TAFA3: variants seen among roughly 807,000 people sequenced by gnomAD.
TAFA3 encodes the protein chemokine-like protein TAFA-3.
In TAFA3, 17 loss-of-function variants were observed where a neutral mutation model predicts 20.7. The ratio of observed to expected loss-of-function variants is 0.82; its 90% confidence interval spans 0.56 to 1.23. The LOEUF is 1.23. TAFA3 is among the 50% of genes most tolerant of loss of function. TAFA3 has a pLI of 0.00. For synonymous variants in TAFA3, 74 were observed against 71.8 expected (o/e 1.03, Z -0.16); for missense variants, 174 against 172.8 (o/e 1.01, Z -0.04).
chr1:112,725,403 A>AAAAC (rs111414467), intron 5 of TAFA3, among the ~76,000 whole-genome samples: 93 of 140,624 alleles, frequency 6.6e-4, no homozygotes, highest in East Asian at 1.4e-3. Context: ...ATTAAAAAAA[A>AAAAC]AAAAAAAAAA....
chr1:112,723,986 G>A (rs769436376), intron 4 of TAFA3, 27 bp from the exon 5 acceptor site: 9 of 1,613,544 alleles, frequency 5.6e-6, no homozygotes, highest in African/African-American at 1.3e-5. Flanking sequence ...AGACCCTAGA[G>A]CTGCACTCCG....
intron 2 of TAFA3, among the ~76,000 whole-genome samples, chr1:112,721,143 G>A (rs1020488554): frequency 3.9e-5 from 6 of 152,100 alleles, no homozygotes; most frequent in East Asian, 3.9e-4. Context: ...CTGCATTCCC[G>A]TGGTTGGCAG....
At chr1:112,720,037 G>T (rs540353938) in intron 1 of TAFA3, among the ~76,000 whole-genome samples, 2 of 152,180 alleles carry the variant, frequency 1.3e-5, no homozygotes, top group Admixed American at 6.5e-5. Flanking sequence ...GCCTTCAAAG[G>T]CTCAGGGACC....
At chr1:112,726,158 A>G (rs968721978) in intron 5 of TAFA3, among the ~76,000 whole-genome samples, 1 of 152,148 alleles carries the variant, frequency 6.6e-6, no homozygotes, top group Non-Finnish European at 1.5e-5. Context: ...AAAAGAAAAA[A>G]AAATAGAGAA....
intron 3 of TAFA3, among the ~76,000 whole-genome samples, 166 bp downstream of exon 3, chr1:112,722,514 C>G (rs1439445460): frequency 6.6e-6 from 1 of 152,112 alleles, no homozygotes; most frequent in Admixed American, 6.5e-5. Flanking sequence ...GAATCTCTGC[C>G]CACCCCAGCT....
At chr1:112,722,090 T>C in intron 2 of TAFA3, 143 bp from the exon 3 acceptor site, 2 of 772,292 alleles carry the variant, frequency 2.6e-6, no homozygotes, top group Non-Finnish European at 2.2e-6. Flanking sequence ...CATGACTCTG[T>C]GCCAGGTCGA....
At chr1:112,722,107 C>A in intron 2 of TAFA3, 126 bp from the exon 3 acceptor site, 5 of 925,642 alleles carry the variant, frequency 5.4e-6, no homozygotes, top group Admixed American at 1.9e-5. Context: ...TCGAAAGATG[C>A]CTGGGGACAA....
rs889289338 is a variant in TAFA3 at position 112,719,079 on chromosome 1, G to A, written c.-280G>A. Reference sequence around the variant, plus strand: ...GGGGCCGGGCCCAGAGCTCCCCTGTGCCCAGAGCCCGGCCCGCCCTGCGGA... The same window carrying A: ...GGGGCCGGGCCCAGAGCTCCCCTGTACCCAGAGCCCGGCCCGCCCTGCGGA... On this transcript the variant is annotated 5_prime_UTR_variant, in exon 1 of 6. Coordinates refer to ENST00000361886, the MANE Select transcript of TAFA3 (RefSeq NM_182759.3). Among the ~76,000 whole-genome samples, 2 of 152,160 alleles carry A rather than the reference G, an allele frequency of 1.3e-5. No individual in the cohort carries two copies. Among genetic ancestry groups the A allele is most frequent in the South Asian group, 2.1e-4 (1 of 4,828 alleles).
At chr1:112,722,156 G>C (rs1675342506) in intron 2 of TAFA3, 77 bp from the exon 3 acceptor site, 7 of 1,464,950 alleles carry the variant, frequency 4.8e-6, no homozygotes, top group Non-Finnish European at 5.7e-6. Context: ...CCCAGAGTGT[G>C]TGGCACAGAG....
rs2101500015 is a variant in TAFA3 at position 112,724,013 on chromosome 1, C to A, written c.266C>A (p.Ala89Asp). 6.2e-7 allele frequency: 1 copy of A among 1,613,962 alleles called. No homozygotes were observed. Among genetic ancestry groups the A allele is most frequent in the Non-Finnish European group, 8.5e-7 (1 of 1,179,958 alleles). Reference sequence around the variant, plus strand: ...TGCACTCCGCCTCCTGCTCCCACAGCCTCCATCGTCCTGCAGAGATGGTGG... The same window carrying A: ...TGCACTCCGCCTCCTGCTCCCACAGACTCCATCGTCCTGCAGAGATGGTGG... ...TTRAKPSCVD[A>D]SIVLQRWWCQ... The change falls in exon 5 of 6, where the codon GCC (alanine) becomes GAC (aspartate). Residue 89 changes from alanine (A) to aspartate (D), a missense_variant and splice_region_variant. Ala to Asp is a moderately radical substitution (Grantham distance 126). Coordinates refer to ENST00000361886, the MANE Select transcript of TAFA3 (RefSeq NM_182759.3).
In TAFA3 at chr1:112,719,114, C is replaced by T. The variant is rs991549737; in HGVS notation, c.-245C>T. Among the ~76,000 whole-genome samples, 2 of 152,256 alleles carry T rather than the reference C, an allele frequency of 1.3e-5. No individual in the cohort carries two copies. Among genetic ancestry groups the T allele is most frequent in the Non-Finnish European group, 2.9e-5 (2 of 68,046 alleles). Reference sequence around the variant, plus strand: ...CGGCCCGCCCTGCGGATGATGCCAACCTGACCAGAACCCCGCTGTCCCGGG... The same window carrying T: ...CGGCCCGCCCTGCGGATGATGCCAATCTGACCAGAACCCCGCTGTCCCGGG... On this transcript the variant is annotated 5_prime_UTR_variant, in exon 1 of 6. Coordinates refer to ENST00000361886, the MANE Select transcript of TAFA3 (RefSeq NM_182759.3).
intron 4 of TAFA3, 94 bp downstream of exon 4, chr1:112,723,259 C>T (rs77724279): frequency 0.043 from 61,907 of 1,445,284 alleles, 1,698 homozygotes; most frequent in Non-Finnish European, 0.047. Context: ...CAATTTCATA[C>T]CCGTCTCAGG....
chr1:112,725,405 A>AC lies in TAFA3; in HGVS notation c.391-1224_391-1223insC, dbSNP rs1553192310. On this transcript the variant is annotated intron_variant, in intron 5 of 5. Transcript: ENST00000361886. Reference sequence around the variant, plus strand: ...TAAAAGTTGAAATATTAAAAAAAAAAAAAAAAAAAACATAGTCGAGAATGG... The same window carrying AC: ...TAAAAGTTGAAATATTAAAAAAAAAACAAAAAAAAAACATAGTCGAGAATGG... Among the ~76,000 whole-genome samples, 939 of 141,482 alleles carry AC rather than the reference A, an allele frequency of 6.6e-3. 11 individuals are homozygous for AC. The highest frequency in any genetic ancestry group is 0.025 in the African/African-American group (854 of 34,144). 92.8% of individuals were successfully genotyped at this position (141,482 alleles called of 152,430 possible). A position where few individuals can be genotyped will look rare whatever the true frequency, so the allele number is the denominator to read the frequency against.
chr1:112,725,298 T>C (rs1557789303), intron 5 of TAFA3, among the ~76,000 whole-genome samples: 1 of 150,634 alleles, frequency 6.6e-6, no homozygotes, highest in East Asian at 1.9e-4. Flanking sequence ...ACATGGGTAA[T>C]GAGATCAATG....
At chr1:112,725,439 A>G (rs1251375097) in intron 5 of TAFA3, among the ~76,000 whole-genome samples, 1 of 151,706 alleles carries the variant, frequency 6.6e-6, no homozygotes, top group Non-Finnish European at 1.5e-5. Context: ...GGGAAAAATT[A>G]TAAGATAATT....
intron 5 of TAFA3, among the ~76,000 whole-genome samples, chr1:112,724,772 C>T (rs1190622624): frequency 5.9e-5 from 4 of 67,418 alleles, no homozygotes; most frequent in South Asian, 5.7e-4. Flanking sequence ...TACCCTAAAA[C>T]GTAAAGTATA....
chr1:112,726,584 A>G (rs948574014), intron 5 of TAFA3, 45 bp from the exon 6 acceptor site: 5 of 1,606,662 alleles, frequency 3.1e-6, no homozygotes, highest in East Asian at 4.5e-5. Context: ...CTGGAATGGA[A>G]TAGGCATTCC....
rs979042048 is a variant in TAFA3 at position 112,726,758 on chromosome 1, G to T, written c.*118G>T. 8.6e-6 allele frequency: 13 copies of T among 1,504,658 alleles called. No homozygotes were observed. The highest frequency in any genetic ancestry group is 3.4e-5 in the Admixed American group (2 of 59,122). 93.2% of individuals were successfully genotyped at this position (1,504,658 alleles called of 1,614,324 possible). A position where few individuals can be genotyped will look rare whatever the true frequency, so the allele number is the denominator to read the frequency against. Reference sequence around the variant, plus strand: ...ACTTACATGCCTCATGTCAAATGCAGCATCAGTCTTTCCGGGGCATTTCAG... The same window carrying T: ...ACTTACATGCCTCATGTCAAATGCATCATCAGTCTTTCCGGGGCATTTCAG... On this transcript the variant is annotated 3_prime_UTR_variant, in exon 6 of 6. Coordinates refer to ENST00000361886, the MANE Select transcript of TAFA3 (RefSeq NM_182759.3).
intron 3 of TAFA3, 102 bp from the exon 4 acceptor site, chr1:112,722,914 C>T: frequency 3.6e-6 from 5 of 1,383,910 alleles, no homozygotes; most frequent in Non-Finnish European, 3.9e-6. Context: ...TCTTCCATAG[C>T]CCTCCCTGCA....
Sources: allele counts gnomAD v4.1 joint callset (sites outside exome capture counted in the v4.1 genomes callset), GRCh38; gene constraint gnomAD v4.1.1; transcripts MANE v1.5; gene names NCBI Gene and HGNC (gene_info 2026-07-23, HGNC 2026-07-21).